Variants in GALNT9 observed in about 807,000 individuals in gnomAD.
GALNT9 encodes the protein GalNAc transferase 9.
Under a neutral mutation model 63.1 loss-of-function variants are expected in GALNT9, and 47 were observed. The ratio of observed to expected loss-of-function variants is 0.75; its 90% CI spans 0.59 to 0.95. The LOEUF is 0.95. Among genes scored for constraint, GALNT9 ranks in the 40% least tolerant of loss-of-function variants. The pLI is 0.00. For missense variants in GALNT9, 829 were observed against 874.8 expected (o/e 0.95, Z 0.66); for synonymous variants, 396 against 365.7 (o/e 1.08, Z -0.94).
At chr12:132,323,339 T>C (rs1555246286) in intron 1 of GALNT9, among the ~76,000 whole-genome samples, 1 of 152,172 alleles carries the variant, frequency 6.6e-6, no homozygotes, top group African/African-American at 2.4e-5. Context: ...GGCTGCTGCG[T>C]TTGCAGACAG....
intron 6 of GALNT9, among the ~76,000 whole-genome samples, chr12:132,220,607 T>G (rs1223703403): frequency 1.3e-5 from 2 of 151,922 alleles, no homozygotes; most frequent in East Asian, 3.8e-4. Context: ...TTCCTTGGAG[T>G]GCAGAACCAG....
At chr12:132,216,520 G>A (rs919467565) in intron 6 of GALNT9, among the ~76,000 whole-genome samples, 1 of 152,250 alleles carries the variant, frequency 6.6e-6, no homozygotes. Context: ...GGAGGACGGG[G>A]TGTTTTCTGT....
At chr12:132,218,320 G>A (rs902981259) in intron 6 of GALNT9, among the ~76,000 whole-genome samples, 7 of 152,206 alleles carry the variant, frequency 4.6e-5, no homozygotes, top group South Asian at 2.1e-4. Context: ...AGGCTGACGC[G>A]GACGGAAACC....
rs1383452317 is a variant in GALNT9 at position 132,265,523 on chromosome 12, G to A, written c.420-2898C>T. Among the ~76,000 whole-genome samples, 1 of 152,180 alleles carries A rather than the reference G, an allele frequency of 6.6e-6. No homozygotes were observed. The highest frequency in any genetic ancestry group is 1.5e-5 in the Non-Finnish European group (1 of 68,034). On this transcript the variant is annotated intron_variant, in intron 2 of 10. Transcript: ENST00000328957. This position sits in a 1 kb window ranked among gnomAD's most constrained non-coding sequence, Gnocchi z 5.3. ...CCTGAGATGAGCTTGAGGCAGGATC[G>A]GTAGGATGAGGAGGCCACACTGACG...
intron 6 of GALNT9, among the ~76,000 whole-genome samples, chr12:132,219,385 A>G (rs527579596): frequency 1.3e-5 from 2 of 152,338 alleles, no homozygotes; most frequent in East Asian, 3.9e-4. Flanking sequence ...ACAAGGTGAA[A>G]TTCTCCATAG....
At chr12:132,283,424 G>C (rs1210465222) in intron 2 of GALNT9, 1 of 152,408 alleles carries the variant, frequency 6.6e-6, no homozygotes. Context: ...GTTGCTGTGA[G>C]CAGGAAAGGG....
chr12:132,284,307 C>T (rs28651489), intron 2 of GALNT9: 6,679 of 151,956 alleles, frequency 0.044, 196 homozygotes, highest in South Asian at 0.13. Flanking sequence ...ACAACGCGCG[C>T]GCACGCACAC....
intron 6 of GALNT9, chr12:132,240,688 T>C (rs1295875938): frequency 4.4e-6 from 2 of 455,914 alleles, no homozygotes; most frequent in African/African-American, 4.0e-5. Flanking sequence ...TCTTTTATTC[T>C]GTTTATAATT....
intron 6 of GALNT9, among the ~76,000 whole-genome samples, chr12:132,239,983 G>C (rs1278070436): frequency 6.6e-6 from 1 of 152,104 alleles, no homozygotes. Flanking sequence ...GGTGTCTGGG[G>C]AGAGGAGTGA....
rs1171227603 is a variant in GALNT9 at position 132,199,300 on chromosome 12, G to C, written c.1402-31C>G. On this transcript the variant is annotated intron_variant, in intron 8 of 10. Coordinates refer to ENST00000328957, the MANE Select transcript of GALNT9 (RefSeq NM_001122636.2). ...AGCAGAAGCCCCAGGAGAAAGTCCAGAGTCACCCGAGGGTGCGGCCCCAGG... is the reference window on the plus strand; with the variant it reads ...AGCAGAAGCCCCAGGAGAAAGTCCACAGTCACCCGAGGGTGCGGCCCCAGG... The C allele has an allele frequency of 3.3e-6, 5 of 1,516,532 alleles. No individual in the cohort carries two copies. In the African/African-American group the frequency reaches 6.8e-5, roughly 21 times the overall value. The allele number at this position is 1,516,532 out of a possible 1,614,324, so 93.9% of individuals were successfully genotyped here. A position where few individuals can be genotyped will look rare whatever the true frequency, so the allele number is the denominator to read the frequency against.
intron 2 of GALNT9, among the ~76,000 whole-genome samples, chr12:132,264,283 G>C (rs112062672): frequency 6.6e-6 from 1 of 152,238 alleles, no homozygotes; most frequent in Non-Finnish European, 1.5e-5. Flanking sequence ...GCGGAGAAGC[G>C]TGTGAGGAGC....
intron 1 of GALNT9, among the ~76,000 whole-genome samples, chr12:132,307,845 A>G (rs1881670903): frequency 6.7e-6 from 1 of 149,896 alleles, no homozygotes; most frequent in East Asian, 2.0e-4. Context: ...AAACAAACAA[A>G]CAACAACAAC....
intron 3 of GALNT9, 88 bp from the exon 4 acceptor site, chr12:132,261,210 G>A (rs930287616): frequency 4.6e-5 from 70 of 1,524,538 alleles, no homozygotes; most frequent in Admixed American, 2.5e-4. Flanking sequence ...TGCGTGCCGC[G>A]TGTGGGATGG....
At chr12:132,248,161 C>T in intron 5 of GALNT9, 134 bp from the exon 6 acceptor site, 1 of 1,346,812 alleles carries the variant, frequency 7.4e-7, no homozygotes, top group Admixed American at 2.7e-5. Flanking sequence ...CACTCAGGTC[C>T]CTGTGCTCAA....
chr12:132,219,238 G>A (rs151232786), intron 6 of GALNT9, among the ~76,000 whole-genome samples: 10 of 152,290 alleles, frequency 6.6e-5, no homozygotes, highest in African/African-American at 1.7e-4. Flanking sequence ...TGCAGACCCA[G>A]GCCCGCTGCA....
At chr12:132,299,670 C>T (rs1245291329) in intron 1 of GALNT9, among the ~76,000 whole-genome samples, 1 of 142,436 alleles carries the variant, frequency 7.0e-6, no homozygotes, top group Non-Finnish European at 1.5e-5. Context: ...TAACACACTC[C>T]CACCACACCT....
At position 132,300,153 on chromosome 12, in the gene GALNT9, G is replaced by C. The variant is rs571635230; in HGVS notation, c.239-13723C>G. On this transcript the variant is annotated intron_variant, in intron 1 of 10. Transcript: ENST00000328957. Reference sequence around the variant, plus strand: ...CCTAACCCATCCCTGAGATAACCAAGCCACTCCTGAGATAACTCACTCCCA... The same window carrying C: ...CCTAACCCATCCCTGAGATAACCAACCCACTCCTGAGATAACTCACTCCCA... Among the ~76,000 whole-genome samples, 156 of 131,830 alleles carry C rather than the reference G, an allele frequency of 1.2e-3. 5 individuals carry two copies. Among genetic ancestry groups the C allele is most frequent in the African/African-American group, 4.1e-3 (143 of 35,258 alleles). The allele number at this position is 131,830 out of a possible 152,430, so 86.5% of individuals were successfully genotyped here.
At chr12:132,219,462 C>T (rs1372537596) in intron 6 of GALNT9, among the ~76,000 whole-genome samples, 4 of 152,144 alleles carry the variant, frequency 2.6e-5, no homozygotes, top group African/African-American at 4.8e-5. Flanking sequence ...GGACCATCGG[C>T]GGGACAGGTG....
chr12:132,225,745 A>C (rs1259414215), intron 6 of GALNT9, among the ~76,000 whole-genome samples: 16 of 131,666 alleles, frequency 1.2e-4, no homozygotes, highest in African/African-American at 4.6e-4. Flanking sequence ...GTACATACAC[A>C]CCCCCCACAA....
Sources: allele counts gnomAD v4.1 joint callset (sites outside exome capture counted in the v4.1 genomes callset), GRCh38; gene constraint gnomAD v4.1.1; non-coding constraint Gnocchi (gnomAD v3.1); transcripts MANE v1.5; gene names NCBI Gene and HGNC (gene_info 2026-07-23, HGNC 2026-07-21).